TRPV4: variants seen among roughly 807,000 people sequenced by gnomAD.
TRPV4 encodes the protein transient receptor potential cation channel subfamily V member 4.
A neutral mutation model predicts 84.1 loss-of-function variants in TRPV4; 58 were observed. The observed-to-expected ratio is 0.69, with a 90% CI of 0.56 to 0.86. TRPV4 has a LOEUF of 0.86. TRPV4 is among the 40% of genes least tolerant of loss of function. TRPV4 has a pLI of 0.00. For missense variants in TRPV4, 879 were observed against 1,181.1 expected (o/e 0.74, Z 3.75); for synonymous variants, 489 against 500.9 (o/e 0.98, Z 0.32).
intron 1 of TRPV4, among the ~76,000 whole-genome samples, chr12:109,821,716 G>C (rs1210333089): frequency 6.6e-6 from 1 of 151,978 alleles, no homozygotes. Flanking sequence ...ATTTTTAGTA[G>C]AGGCAGGGTT....
chr12:109,832,171 C>T (rs1592879240), intron 1 of TRPV4: 1 of 152,468 alleles, frequency 6.6e-6, no homozygotes, highest in African/African-American at 2.4e-5. Context: ...GCCAAGGTCA[C>T]ACAGCAGGGG....
chr12:109,799,043 G>C, intron 5 of TRPV4, 131 bp from the exon 6 acceptor site: 1 of 865,900 alleles, frequency 1.2e-6, no homozygotes. Context: ...CAGTGGATAT[G>C]AACTGCACGT....
chr12:109,818,674 C>T (rs1891966511), intron 1 of TRPV4, among the ~76,000 whole-genome samples: 1 of 152,118 alleles, frequency 6.6e-6, no homozygotes, highest in African/African-American at 2.4e-5. Context: ...GGAGATAAGG[C>T]AGGTCAAGTG....
rs529305818 is a variant in TRPV4 at position 109,798,553 on chromosome 12, G to A, written c.1152+61C>T. Reference sequence around the variant, plus strand: ...TAATGAATACCAGCAGCAGACCCTCGTGTGTGTGTGCAGAGGGGTACGAGT... The same window carrying A: ...TAATGAATACCAGCAGCAGACCCTCATGTGTGTGTGCAGAGGGGTACGAGT... On this transcript the variant is annotated intron_variant, in intron 6 of 15. Coordinates refer to ENST00000261740, the MANE Select transcript of TRPV4 (RefSeq NM_021625.5). This position sits in a 1 kb window ranked among gnomAD's most constrained non-coding sequence, Gnocchi z 5.0. 5.2e-5 allele frequency: 81 copies of A among 1,569,170 alleles called. 1 individual carries two copies. The highest frequency in any genetic ancestry group is 3.1e-4 in the South Asian group (28 of 89,860).
At chr12:109,809,056 A>G (rs1304221266) in intron 2 of TRPV4, among the ~76,000 whole-genome samples, 1 of 128,746 alleles carries the variant, frequency 7.8e-6, no homozygotes, top group African/African-American at 2.9e-5. Context: ...CCATCCATCC[A>G]TCACTCATCC....
rs1208751337 is a variant in TRPV4, at chr12:109,786,880, AGCCTGC to A, written c.2209-49_2209-44del. The stretch of plus-strand genomic sequence containing the variant: ...CAGGAGGGACATCGGTGAGCCTCAC[AGCCTGC>A]GCCTGCCGCTCTGGTGGCAGAAATG... On this transcript the variant is annotated intron_variant, in intron 13 of 15. Coordinates refer to ENST00000261740, the MANE Select transcript of TRPV4 (RefSeq NM_021625.5). This position sits in a 1 kb window ranked among gnomAD's most constrained non-coding sequence, Gnocchi z 4.5. The A allele has an allele frequency of 6.2e-7, 1 of 1,611,312 alleles. No homozygotes were observed. The highest frequency in any genetic ancestry group is 8.5e-7 in the Non-Finnish European group (1 of 1,178,852).
chr12:109,803,133 C>T lies in TRPV4; in HGVS notation c.570G>A (p.Thr190=), dbSNP rs765541497. 15 of 1,613,926 alleles carry T rather than the reference C, an allele frequency of 9.3e-6. No homozygotes were observed. Among genetic ancestry groups the T allele is most frequent in the South Asian group, 4.4e-5 (4 of 91,086 alleles). Residue 190 remains threonine, a synonymous_variant, in exon 4 of 16, where the codon ACG becomes ACA. Coordinates refer to ENST00000261740, the MANE Select transcript of TRPV4 (RefSeq NM_021625.5). ...LTDEEFREPS[T]GKTCLPKALL... is the part of the protein sequence containing the mutation. Reference sequence around the variant, plus strand: ...AGGCCTTGGGCAGGCAGGTCTTCCCCGTAGATGGCTCTAGCAAGAGAGACA... The same window carrying T: ...AGGCCTTGGGCAGGCAGGTCTTCCCTGTAGATGGCTCTAGCAAGAGAGACA...
chr12:109,824,401 C>G (rs1192549152), intron 1 of TRPV4, among the ~76,000 whole-genome samples: 1 of 152,106 alleles, frequency 6.6e-6, no homozygotes, highest in Admixed American at 6.5e-5. Flanking sequence ...ATTCCACCCT[C>G]TCAGCCAGCC....
rs1889468519 is a variant in TRPV4, at chr12:109,783,567, A to T, written c.*54T>A. On this transcript the variant is annotated 3_prime_UTR_variant, in exon 16 of 16. Coordinates refer to ENST00000261740, the MANE Select transcript of TRPV4 (RefSeq NM_021625.5). The surrounding 1 kb of genome is among the most constrained non-coding windows in gnomAD (Gnocchi z 4.6). ...GGACACCCCAGAAGGCACTGCTGAA[A>T]TGCGGCTGGACTAGAAATGAGTGGG... The T allele has an allele frequency of 6.3e-7, 1 of 1,588,614 alleles. No individual in the cohort carries two copies. The highest frequency in any genetic ancestry group is 8.6e-7 in the Non-Finnish European group (1 of 1,166,076).
chr12:109,813,858 T>C lies in TRPV4; in HGVS notation c.386+553A>G, dbSNP rs938004693. Reference sequence around the variant, plus strand: ...GAAGGATGATGGATGAATGGATGGATGGATGATGGGTAGATGGATAGATGG... The same window carrying C: ...GAAGGATGATGGATGAATGGATGGACGGATGATGGGTAGATGGATAGATGG... On this transcript the variant is annotated intron_variant, in intron 2 of 15. Coordinates refer to ENST00000261740, the MANE Select transcript of TRPV4 (RefSeq NM_021625.5). Among the ~76,000 whole-genome samples, 7 of 151,746 alleles carry C rather than the reference T, an allele frequency of 4.6e-5. No individual in the cohort carries two copies. In the East Asian group the frequency reaches 1.4e-3, roughly 29 times the overall value.
chr12:109,793,693 G>C lies in TRPV4; in HGVS notation c.1585-93C>G, dbSNP rs1393777177. ...CAGAGAAAGGGATAGAAGAGAGGGAGGCAGAGGCTGGTACAGAGAAAAGAC... is the reference window on the plus strand; with the variant it reads ...CAGAGAAAGGGATAGAAGAGAGGGACGCAGAGGCTGGTACAGAGAAAAGAC... On this transcript the variant is annotated intron_variant, in intron 9 of 15. Coordinates refer to ENST00000261740, the MANE Select transcript of TRPV4 (RefSeq NM_021625.5). The surrounding 1 kb of genome is among the most constrained non-coding windows in gnomAD (Gnocchi z 4.0). The C allele has an allele frequency of 4.6e-6, 5 of 1,089,332 alleles. No individual in the cohort carries two copies. The highest frequency in any genetic ancestry group is 7.0e-6 in the Non-Finnish European group (5 of 710,298). 67.5% of individuals were successfully genotyped at this position (1,089,332 alleles called of 1,614,324 possible).
chr12:109,814,339 G>A lies in TRPV4; in HGVS notation c.386+72C>T. Reference sequence around the variant, plus strand: ...TCGACGGATGGGTGGATAATAGATAGAGGGGTGGATGATGAATGGGTGAAT... The same window carrying A: ...TCGACGGATGGGTGGATAATAGATAAAGGGGTGGATGATGAATGGGTGAAT... On this transcript the variant is annotated intron_variant, in intron 2 of 15. Transcript: ENST00000261740. This position sits in a 1 kb window ranked among gnomAD's most constrained non-coding sequence, Gnocchi z 5.4. The A allele has an allele frequency of 6.5e-7, 1 of 1,536,286 alleles. No individual in the cohort carries two copies. The highest frequency in any genetic ancestry group is 8.9e-7 in the Non-Finnish European group (1 of 1,124,546).
chr12:109,832,300 C>T (rs1158011413), intron 1 of TRPV4: 1 of 152,384 alleles, frequency 6.6e-6, no homozygotes. Flanking sequence ...CTCAGGAGCC[C>T]GGGGAGTCCC....
intron 6 of TRPV4, among the ~76,000 whole-genome samples, chr12:109,797,651 G>A (rs1403550505): frequency 6.6e-6 from 1 of 152,200 alleles, no homozygotes; most frequent in Admixed American, 6.5e-5. Flanking sequence ...CCTTTCTACT[G>A]CCTCAGGGCC....
chr12:109,813,551 A>G (rs1565882333), intron 2 of TRPV4, among the ~76,000 whole-genome samples: 1 of 147,442 alleles, frequency 6.8e-6, no homozygotes, highest in Non-Finnish European at 1.5e-5. Flanking sequence ...ATTTGTATAA[A>G]TGAGTGGGTG....
In TRPV4 at chr12:109,831,478, CCTT is replaced by C. The variant is rs1460978073; in HGVS notation, c.-32+1869_-32+1871del. On this transcript the variant is annotated intron_variant, in intron 1 of 15. Coordinates refer to ENST00000261740, the MANE Select transcript of TRPV4 (RefSeq NM_021625.5). ...TCCCCGGGGGGCCACAAGGGAAAAT[CCTT>C]CTTGCCTTCACACGCCTCAGGCTAC... 3.9e-5 allele frequency among the ~76,000 whole-genome samples: 6 copies of C among 152,380 alleles called. 1 individual carries two copies. In the South Asian group the frequency reaches 1.2e-3, roughly 32 times the overall value.
chr12:109,819,389 G>T (rs1892001909), intron 1 of TRPV4, among the ~76,000 whole-genome samples: 1 of 152,104 alleles, frequency 6.6e-6, no homozygotes, highest in African/African-American at 2.4e-5. Flanking sequence ...GAGCAGGCAT[G>T]GTGGGCCCTT....
At chr12:109,822,547 G>T (rs1033474629) in intron 1 of TRPV4, among the ~76,000 whole-genome samples, 4 of 152,224 alleles carry the variant, frequency 2.6e-5, no homozygotes, top group African/African-American at 9.6e-5. Context: ...CATTTGTCTG[G>T]CATTGCCTTG....
chr12:109,791,607 C>T (rs1024652549), intron 12 of TRPV4, among the ~76,000 whole-genome samples: 2 of 150,574 alleles, frequency 1.3e-5, no homozygotes, highest in Non-Finnish European at 1.5e-5. Context: ...CTCAGCCTCC[C>T]GAGTAGCTGG....
Sources: allele counts gnomAD v4.1 joint callset (sites outside exome capture counted in the v4.1 genomes callset), GRCh38; gene constraint gnomAD v4.1.1; non-coding constraint Gnocchi (gnomAD v3.1); transcripts MANE v1.5; gene names NCBI Gene and HGNC (gene_info 2026-07-23, HGNC 2026-07-21).